The following ZCCHC24 variants were observed in gnomAD, a reference collection of about 807,000 sequenced individuals.
ZCCHC24 encodes the protein zinc finger CCHC domain-containing protein 24.
Under a neutral mutation model 26.2 loss-of-function variants are expected in ZCCHC24, and 10 were observed. That is an observed-to-expected ratio of 0.38 (90% CI 0.24 to 0.65). The LOEUF (loss-of-function observed/expected upper bound fraction) is 0.65, where lower values mean the gene tolerates loss of function less well. Among genes scored for constraint, ZCCHC24 ranks in the 30% least tolerant of loss-of-function variants. The pLI, the probability that ZCCHC24 is intolerant of heterozygous loss-of-function variation, is 0.54. For missense variants in ZCCHC24, 243 were observed against 329.1 expected (o/e 0.74, Z 2.03); for synonymous variants, 144 against 147.1 (o/e 0.98, Z 0.15).
rs1326774273 is a variant in ZCCHC24, at chr10:79,396,226, T to G, written c.448-1786A>C. Among the ~76,000 whole-genome samples the G allele has an allele frequency of 3.3e-5, 5 of 152,270 alleles. No homozygotes were observed. In the East Asian group the frequency reaches 9.6e-4, roughly 29 times the overall value. Reference sequence around the variant, plus strand: ...CAAATAATATTCCACTGTATGGATATGCCATGCTTTATTACCCCATTTATT... The same window carrying G: ...CAAATAATATTCCACTGTATGGATAGGCCATGCTTTATTACCCCATTTATT... On this transcript the variant is annotated intron_variant, in intron 2 of 3. Coordinates refer to ENST00000372336, the MANE Select transcript of ZCCHC24 (RefSeq NM_153367.4).
At chr10:79,427,712 T>G (rs1342373274) in intron 2 of ZCCHC24, among the ~76,000 whole-genome samples, 1 of 152,034 alleles carries the variant, frequency 6.6e-6, no homozygotes, top group Non-Finnish European at 1.5e-5. Flanking sequence ...GCTGTAATTA[T>G]CTACATTGAG....
chr10:79,433,376 A>G (rs762152404), intron 1 of ZCCHC24, among the ~76,000 whole-genome samples: 6 of 151,990 alleles, frequency 3.9e-5, no homozygotes, highest in Non-Finnish European at 5.9e-5. Context: ...GCCCTAAACC[A>G]CCTCTCTGGA....
At chr10:79,400,183 A>T (rs147819323) in intron 2 of ZCCHC24, among the ~76,000 whole-genome samples, 1 of 152,334 alleles carries the variant, frequency 6.6e-6, no homozygotes, top group East Asian at 1.9e-4. Flanking sequence ...TTCAAACTTT[A>T]AAAAAATGTG....
chr10:79,438,279 C>G lies in ZCCHC24; in HGVS notation c.247-5521G>C, dbSNP rs79006386. ...CTGTTTGGGACAAGAGATCATTCAT[C>G]TCGCAAATGAATCCACCCTGCTCCC... On this transcript the variant is annotated intron_variant, in intron 1 of 3. Transcript: ENST00000372336. Among the ~76,000 whole-genome samples, 9 of 152,304 alleles carry G rather than the reference C, an allele frequency of 5.9e-5. No individual in the cohort carries two copies. In the East Asian group the frequency reaches 1.7e-3, roughly 29 times the overall value.
intron 2 of ZCCHC24, among the ~76,000 whole-genome samples, chr10:79,400,779 G>T (rs1795184882): frequency 6.6e-6 from 1 of 152,186 alleles, no homozygotes; most frequent in Admixed American, 6.5e-5. Context: ...CAGGCTGCTG[G>T]TTCTGTTGGA....
At chr10:79,430,673 TCACA>T (rs150924599) in intron 2 of ZCCHC24, among the ~76,000 whole-genome samples, 18 of 131,106 alleles carry the variant, frequency 1.4e-4, no homozygotes, top group South Asian at 1.3e-3. Flanking sequence ...GCACATACAC[TCACA>T]CACACACACC....
chr10:79,386,353 C>T lies in ZCCHC24; in HGVS notation c.718G>A (p.Val240Met), dbSNP rs1418615134. The stretch of plus-strand genomic sequence containing the variant: ...TGCGGGCGGGCAGCCCGTCACTGCA[C>T]GCGACGGCAGTAGTAGCCCAGGACC... ...CKVLGYYCRR[V>M]Q Residue 240 changes from valine (V) to methionine (M), a missense_variant, in exon 4 of 4, where the codon GTG becomes ATG. This residue lies in a region of ZCCHC24 where 96 missense variants were observed against 178.3 expected (regional missense o/e 0.54). Coordinates refer to ENST00000372336, the MANE Select transcript of ZCCHC24 (RefSeq NM_153367.4). The T allele has an allele frequency of 3.7e-6, 6 of 1,612,872 alleles. No individual in the cohort carries two copies. The highest frequency in any genetic ancestry group is 2.2e-5 in the East Asian group (1 of 44,850).
intron 2 of ZCCHC24, among the ~76,000 whole-genome samples, chr10:79,407,445 G>A (rs1481371896): frequency 6.6e-6 from 1 of 152,194 alleles, no homozygotes; most frequent in Non-Finnish European, 1.5e-5. Flanking sequence ...CTTCGCTCAC[G>A]AGAGCACGCA....
chr10:79,406,888 G>A (rs1856722365), intron 2 of ZCCHC24, among the ~76,000 whole-genome samples: 1 of 152,200 alleles, frequency 6.6e-6, no homozygotes, highest in African/African-American at 2.4e-5. Context: ...CCTGAAAAGG[G>A]AGGAGAAGGA....
rs1293869677 is a variant in ZCCHC24, at chr10:79,442,520, G to A, written c.246+2675C>T. ...TGCTATTGTGGTGGGAGCAGCCTGGGGGTGGTGCAGGAGGGGGTGGGCTCT... is the reference window on the plus strand; with the variant it reads ...TGCTATTGTGGTGGGAGCAGCCTGGAGGTGGTGCAGGAGGGGGTGGGCTCT... On this transcript the variant is annotated intron_variant, in intron 1 of 3. Transcript: ENST00000372336. 5.9e-5 allele frequency among the ~76,000 whole-genome samples: 9 copies of A among 152,316 alleles called. No homozygotes were observed. The East Asian group carries it at 1.7e-3, about 29-fold the overall frequency.
rs867391014 is a variant in ZCCHC24, at chr10:79,383,646, A to T, written c.*2699T>A. The T allele has an allele frequency of 6.7e-6, 1 of 148,192 alleles. No individual in the cohort carries two copies. The highest frequency in any genetic ancestry group is 2.6e-5 in the African/African-American group (1 of 38,418). 9.2% of individuals were successfully genotyped at this position (148,192 alleles called of 1,614,324 possible). A position where few individuals can be genotyped will look rare whatever the true frequency, so the allele number is the denominator to read the frequency against. ...TTTTTCTTTTCTTTTTTTTTTTTTA[A>T]AAAAAGGCCCTCAAATATATACAGA... is the stretch of plus-strand genomic sequence containing the variant. On this transcript the variant is annotated 3_prime_UTR_variant, in exon 4 of 4. Transcript: ENST00000372336.
chr10:79,387,245 G>T (rs936692), intron 3 of ZCCHC24, among the ~76,000 whole-genome samples: 63,184 of 151,960 alleles, frequency 0.42, 13,967 homozygotes, highest in East Asian at 0.76. Context: ...CTGGGTGATC[G>T]CAGGGAGCCT....
chr10:79,410,257 G>A (rs1035450981), intron 2 of ZCCHC24, among the ~76,000 whole-genome samples: 5 of 152,210 alleles, frequency 3.3e-5, no homozygotes, highest in African/African-American at 4.8e-5. Context: ...ATATCCATTG[G>A]TGTCAATTTC....
At chr10:79,429,062 T>C (rs948002420) in intron 2 of ZCCHC24, among the ~76,000 whole-genome samples, 2 of 152,162 alleles carry the variant, frequency 1.3e-5, no homozygotes, top group Admixed American at 6.5e-5. Flanking sequence ...TGGAAAATAA[T>C]TACTGCTGAT....
chr10:79,386,461 G>A lies in ZCCHC24; in HGVS notation c.613-3C>T. 1 of 1,588,842 alleles carries A rather than the reference G, an allele frequency of 6.3e-7. No homozygotes were observed. Among genetic ancestry groups the A allele is most frequent in the Non-Finnish European group, 8.6e-7 (1 of 1,161,290 alleles). On this transcript the variant is annotated splice_region_variant and splice_polypyrimidine_tract_variant and intron_variant, in intron 3 of 3. Transcript: ENST00000372336. ...CCGTCGGGCTTCTCCAGGGGTCTCT[G>A]CAGAGAGAAGGAGGAAGGGGCCCAG...
chr10:79,444,236 T>C, intron 1 of ZCCHC24: 1 of 1,482,916 alleles, frequency 6.7e-7, no homozygotes, highest in Non-Finnish European at 9.0e-7. Flanking sequence ...AATTCCCAAA[T>C]GAGGCAGGAG....
chr10:79,399,111 G>A (rs1016096298), intron 2 of ZCCHC24, among the ~76,000 whole-genome samples: 3 of 152,154 alleles, frequency 2.0e-5, no homozygotes, highest in South Asian at 2.1e-4. Flanking sequence ...AGGCCTTGGC[G>A]GTGACCTCGG....
At chr10:79,427,078 AACAGTTACT>A in intron 2 of ZCCHC24, among the ~76,000 whole-genome samples, 1 of 152,294 alleles carries the variant, frequency 6.6e-6, no homozygotes, top group African/African-American at 2.4e-5. Flanking sequence ...ACAAAAAAAA[AACAGTTACT>A]AGAGAAAAAG....
At chr10:79,423,780 G>A (rs1239936389) in intron 2 of ZCCHC24, among the ~76,000 whole-genome samples, 1 of 150,350 alleles carries the variant, frequency 6.7e-6, no homozygotes, top group Non-Finnish European at 1.5e-5. Context: ...CATTTTGGGA[G>A]GCCAAGGCAG....
Sources: allele counts gnomAD v4.1 joint callset (sites outside exome capture counted in the v4.1 genomes callset), GRCh38; gene constraint gnomAD v4.1.1; regional missense constraint gnomAD v4.1.1; transcripts MANE v1.5; gene names NCBI Gene and HGNC (gene_info 2026-07-23, HGNC 2026-07-21).